The following ASB3 variants were observed in gnomAD, a reference collection of about 807,000 sequenced individuals.
ASB3 encodes ankyrin repeat and SOCS box protein 3.
A neutral mutation model predicts 54.5 loss-of-function variants in ASB3; 41 were observed. The observed-to-expected ratio is 0.75, with a 90% CI of 0.59 to 0.98. The LOEUF (loss-of-function observed/expected upper bound fraction) is 0.98, where lower values mean the gene tolerates loss of function less well. ASB3 is among the 50% of genes least tolerant of loss of function. The pLI is 0.00. For synonymous variants in ASB3, 266 were observed against 221.2 expected (o/e 1.20, Z -1.80); for missense variants, 733 against 620.0 (o/e 1.18, Z -1.94).
At chr2:53,737,289 T>G (rs1232135528) in intron 3 of ASB3, among the ~76,000 whole-genome samples, 1 of 152,026 alleles carries the variant, frequency 6.6e-6, no homozygotes, top group African/African-American at 2.4e-5. Flanking sequence ...GAAGTCCAAG[T>G]AGAGCAACAG....
At position 53,782,941 on chromosome 2, in the gene ASB3, G is replaced by A. The variant is rs546784677; in HGVS notation, c.-14+3880C>T. Among the ~76,000 whole-genome samples the A allele has an allele frequency of 7.0e-4, 107 of 152,136 alleles. 1 individual carries two copies. The highest frequency in any genetic ancestry group is 2.6e-3 in the African/African-American group (106 of 41,486). ...AGCTGGGATTACAGAAGCCTGCCAA[G>A]ACTTCCGGCTAATTTTTTTATTTTC... On this transcript the variant is annotated intron_variant, in intron 1 of 9. Coordinates refer to ENST00000263634, the MANE Select transcript of ASB3 (RefSeq NM_016115.5).
intron 3 of ASB3, among the ~76,000 whole-genome samples, chr2:53,733,383 G>T (rs563844983): frequency 6.6e-6 from 1 of 150,940 alleles, no homozygotes; most frequent in African/African-American, 2.4e-5. Flanking sequence ...GAAGAAGCAG[G>T]CTTCCTCCTT....
intron 3 of ASB3, among the ~76,000 whole-genome samples, chr2:53,736,415 G>A (rs1025911468): frequency 6.6e-6 from 1 of 152,066 alleles, no homozygotes; most frequent in African/African-American, 2.4e-5. Context: ...CTTAAAATTG[G>A]AGGCCAGGTG....
chr2:53,762,307 G>A (rs867001768), intron 2 of ASB3, among the ~76,000 whole-genome samples: 22 of 152,088 alleles, frequency 1.4e-4, no homozygotes, highest in Non-Finnish European at 2.6e-4. Context: ...GGCCTGAGCT[G>A]GAACAATGGA....
Position 53,765,579 on chromosome 2 carries a change from G to C in ASB3, c.-7C>G, listed in dbSNP as rs144516848. ...AAGCCTCTGTAAAATCCATTTGTTTGACCAGTCTACAAAACAAGGTAGAAG... is the reference window on the plus strand; with the variant it reads ...AAGCCTCTGTAAAATCCATTTGTTTCACCAGTCTACAAAACAAGGTAGAAG... On this transcript the variant is annotated 5_prime_UTR_variant, in exon 2 of 10. Coordinates refer to ENST00000263634, the MANE Select transcript of ASB3 (RefSeq NM_016115.5). 152 of 1,614,074 alleles carry C rather than the reference G, an allele frequency of 9.4e-5. No homozygotes were observed. The highest frequency in any genetic ancestry group is 6.6e-4 in the Middle Eastern group (4 of 6,060).
intron 9 of ASB3, among the ~76,000 whole-genome samples, chr2:53,685,546 T>C (rs1247728583): frequency 2.0e-5 from 3 of 152,350 alleles, no homozygotes; most frequent in African/African-American, 7.2e-5. Flanking sequence ...TCTAACCTCC[T>C]AACCTTCCCT....
At chr2:53,730,698 C>A (rs920299391) in intron 3 of ASB3, among the ~76,000 whole-genome samples, 1 of 152,136 alleles carries the variant, frequency 6.6e-6, no homozygotes, top group African/African-American at 2.4e-5. Flanking sequence ...CTCAACCTCG[C>A]CAGCACCTGT....
intron 1 of ASB3, among the ~76,000 whole-genome samples, chr2:53,781,138 T>C (rs767388556): frequency 3.3e-5 from 5 of 152,108 alleles, no homozygotes; most frequent in Non-Finnish European, 5.9e-5. Flanking sequence ...GCCGGGCAAG[T>C]GGCTCACACC....
At chr2:53,752,659 C>A (rs1672583514) in intron 2 of ASB3, among the ~76,000 whole-genome samples, 2 of 152,256 alleles carry the variant, frequency 1.3e-5, no homozygotes, top group South Asian at 4.1e-4. Flanking sequence ...GCTGTCTCCT[C>A]TCTCTATCAG....
chr2:53,713,976 A>G (rs1670248656), intron 7 of ASB3, among the ~76,000 whole-genome samples: 1 of 152,174 alleles, frequency 6.6e-6, no homozygotes, highest in Non-Finnish European at 1.5e-5. Context: ...AATATCTATA[A>G]AACTAAAGTT....
intron 9 of ASB3, among the ~76,000 whole-genome samples, chr2:53,672,074 C>A (rs1043406898): frequency 6.6e-6 from 1 of 152,152 alleles, no homozygotes; most frequent in African/African-American, 2.4e-5. Context: ...TCTTCCAAGC[C>A]ATAGAAGTTA....
intron 8 of ASB3, among the ~76,000 whole-genome samples, chr2:53,698,021 C>T (rs1669280450): frequency 6.6e-6 from 1 of 152,194 alleles, no homozygotes; most frequent in Non-Finnish European, 1.5e-5. Context: ...GCAGCTCTAA[C>T]CCTATATTTC....
At chr2:53,759,762 T>C (rs755699165) in intron 2 of ASB3, among the ~76,000 whole-genome samples, 3 of 152,178 alleles carry the variant, frequency 2.0e-5, no homozygotes, top group Non-Finnish European at 4.4e-5. Flanking sequence ...ATGCCCCTTA[T>C]GTCAAGGGAA....
At chr2:53,760,246 C>A (rs930898873) in intron 2 of ASB3, among the ~76,000 whole-genome samples, 1 of 152,142 alleles carries the variant, frequency 6.6e-6, no homozygotes, top group Non-Finnish European at 1.5e-5. Context: ...ACTCTCCATG[C>A]CCATGCAACA....
At chr2:53,673,229 T>A (rs1172094102) in intron 9 of ASB3, among the ~76,000 whole-genome samples, 1 of 152,198 alleles carries the variant, frequency 6.6e-6, no homozygotes, top group Non-Finnish European at 1.5e-5. Context: ...TTAAATTGAA[T>A]CTCTTCATTC....
intron 2 of ASB3, among the ~76,000 whole-genome samples, chr2:53,756,105 GC>G (rs1672809138): frequency 6.9e-6 from 1 of 144,560 alleles, no homozygotes; most frequent in African/African-American, 2.5e-5. Flanking sequence ...GTTGGAGGCT[GC>G]AATGAGCCAT....
intron 1 of ASB3, 25 bp from the exon 2 acceptor site, chr2:53,765,610 T>C (rs779829596): frequency 1.1e-5 from 17 of 1,613,222 alleles, no homozygotes; most frequent in East Asian, 6.7e-5. Context: ...AGAAGGATAA[T>C]ACTATAGTCA....
At chr2:53,767,039 C>T (rs943628366) in intron 1 of ASB3, among the ~76,000 whole-genome samples, 3 of 152,124 alleles carry the variant, frequency 2.0e-5, no homozygotes, top group South Asian at 2.1e-4. Flanking sequence ...ATTTTAGGAT[C>T]CTTGACCCCT....
At chr2:53,710,107 C>T (rs1295952559) in intron 7 of ASB3, among the ~76,000 whole-genome samples, 1 of 152,168 alleles carries the variant, frequency 6.6e-6, no homozygotes. Context: ...ATAAGAGAAA[C>T]CTCCAAGCCT....
Sources: gnomAD v4.1 joint callset for allele counts (sites outside exome capture counted in the v4.1 genomes callset) on GRCh38, gnomAD v4.1.1 for gene constraint, MANE v1.5 for transcripts, NCBI Gene and HGNC (gene_info 2026-07-23, HGNC 2026-07-21) for gene names.